Variants in CCDC190 observed in about 807,000 individuals in gnomAD.
CCDC190 encodes coiled-coil domain-containing protein 190.
A neutral mutation model predicts 13.1 loss-of-function variants in CCDC190; 10 were observed. That is an observed-to-expected ratio of 0.77 (90% CI 0.47 to 1.30). The LOEUF (loss-of-function observed/expected upper bound fraction) is 1.30, where lower values mean the gene tolerates loss of function less well. CCDC190 is among the 50% of genes most tolerant of loss of function. CCDC190 has a pLI of 0.00. For synonymous variants in CCDC190, 136 were observed against 127.2 expected (o/e 1.07, Z -0.47); for missense variants, 375 against 354.3 (o/e 1.06, Z -0.47).
rs1650121236 is a variant in CCDC190 at position 162,851,931 on chromosome 1, G to A, written c.*2834C>T. 6.6e-6 allele frequency: 1 copy of A among 152,196 alleles called. No individual in the cohort carries two copies. The highest frequency in any genetic ancestry group is 2.4e-5 in the African/African-American group (1 of 41,450). The allele number at this position is 152,196 out of a possible 1,614,324, so 9.4% of individuals were successfully genotyped here. On this transcript the variant is annotated 3_prime_UTR_variant, in exon 4 of 4. Transcript: ENST00000367912. Reference sequence around the variant, plus strand: ...CCCTTCCCCATCTTCTTTGAGAGGAGAGTATGGGAAAAGAGTACCCTGGTC... The same window carrying A: ...CCCTTCCCCATCTTCTTTGAGAGGAAAGTATGGGAAAAGAGTACCCTGGTC...
In CCDC190 at chr1:162,859,558, T is replaced by C. The variant is rs752584717; in HGVS notation, c.89A>G (p.Gln30Arg). The stretch of plus-strand genomic sequence containing the variant: ...AATAACCTTTAGTCTCTGCAGTCTT[T>C]GGTCCAGTCTGGCTTCAGCCTGCTT... ...NAKQAEARLD[Q>R]RLQRLKVICL... Residue 30 changes from glutamine to arginine, a missense_variant, in exon 2 of 4, where the codon CAA (glutamine) becomes CGA (arginine). Gln to Arg is a conservative substitution (Grantham distance 43). Coordinates refer to ENST00000367912, the MANE Select transcript of CCDC190 (RefSeq NM_001394065.1). 5 of 1,613,968 alleles carry C rather than the reference T, an allele frequency of 3.1e-6. No homozygotes were observed. In the Admixed American group the frequency reaches 8.3e-5, roughly 27 times the overall value.
Position 162,854,574 on chromosome 1 carries a change from T to A in CCDC190, c.*191A>T. On this transcript the variant is annotated 3_prime_UTR_variant, in exon 4 of 4. Transcript: ENST00000367912. ...ATATTTTCAGAAGATTCATTCTTCC[T>A]CTCCTTTTTCATATATTAGCATTGT... 7.3e-7 allele frequency: 1 copy of A among 1,366,180 alleles called. No individual in the cohort carries two copies. The allele number at this position is 1,366,180 out of a possible 1,614,324, so 84.6% of individuals were successfully genotyped here. A position where few individuals can be genotyped will look rare whatever the true frequency, so the allele number is the denominator to read the frequency against.
At chr1:162,857,213 T>G (rs923035968) in intron 2 of CCDC190, among the ~76,000 whole-genome samples, 1 of 152,250 alleles carries the variant, frequency 6.6e-6, no homozygotes, top group Non-Finnish European at 1.5e-5. Flanking sequence ...TTTCTTCACC[T>G]GACCAATGCC....
At chr1:162,861,875 T>C (rs374131024), upstream of CCDC190, among the ~76,000 whole-genome samples, 14 of 151,808 alleles carry the variant, frequency 9.2e-5, no homozygotes, top group African/African-American at 3.4e-4. Context: ...GGCCTGATAA[T>C]CCCCCCAGAG....
upstream of CCDC190, among the ~76,000 whole-genome samples, chr1:162,861,646 T>G (rs1000575137): frequency 2.0e-5 from 3 of 152,184 alleles, no homozygotes; most frequent in African/African-American, 7.2e-5. Flanking sequence ...AGCACTTCGG[T>G]GCTTATCAAG....
Position 162,859,729 on chromosome 1 carries a change from A to C in CCDC190, c.-12-71T>G, listed in dbSNP as rs114337232. ...GGGATACTGACCCCGGCTTTTAATC[A>C]GAGATCAGTGGTAGAACCTGTGTAT... On this transcript the variant is annotated intron_variant, in intron 1 of 3. Coordinates refer to ENST00000367912, the MANE Select transcript of CCDC190 (RefSeq NM_001394065.1). 8.5e-4 allele frequency: 1,086 copies of C among 1,275,698 alleles called. 12 individuals carry two copies. In the African/African-American group the frequency reaches 0.015, roughly 17 times the overall value. 79.0% of individuals were successfully genotyped at this position (1,275,698 alleles called of 1,614,324 possible).
In CCDC190 at chr1:162,855,234, G is replaced by A; in HGVS notation, c.437C>T (p.Thr146Ile). The A allele has an allele frequency of 6.2e-7, 1 of 1,613,998 alleles. No homozygotes were observed. The highest frequency in any genetic ancestry group is 8.5e-7 in the Non-Finnish European group (1 of 1,179,878). The change falls in exon 4 of 4, where the codon ACT (threonine) becomes ATT (isoleucine). Residue 146 changes from threonine to isoleucine, a missense_variant. By Grantham distance (89) the Thr-to-Ile change is moderately conservative. Coordinates refer to ENST00000367912, the MANE Select transcript of CCDC190 (RefSeq NM_001394065.1). ...KKQPLSQNNR[T>I]ACFIKEQPQA... ...TGGTTGCTCTTTTATGAAGCAGGCA[G>A]TTCTGTTATTTTGAGAGAGTGGCTG...
At chr1:162,861,792 T>G (rs1445842779), upstream of CCDC190, among the ~76,000 whole-genome samples, 3 of 152,198 alleles carry the variant, frequency 2.0e-5, no homozygotes, top group South Asian at 4.1e-4. Flanking sequence ...GGATTTTTAC[T>G]GTTGCCTTGG....
At chr1:162,864,474 A>G (rs1296313154), upstream of CCDC190, among the ~76,000 whole-genome samples, 2 of 152,198 alleles carry the variant, frequency 1.3e-5, no homozygotes, top group African/African-American at 4.8e-5. Context: ...GAGGAAGTAT[A>G]AAGACTATTT....
intron 1 of CCDC190, among the ~76,000 whole-genome samples, chr1:162,866,590 G>A (rs1650714256): frequency 6.6e-6 from 1 of 151,848 alleles, no homozygotes. Flanking sequence ...AAATAAAGGT[G>A]ACTCTAAAAT....
In CCDC190 at chr1:162,853,230, T is replaced by C. The variant is rs1650173897; in HGVS notation, c.*1535A>G. 23 of 1,248,244 alleles carry C rather than the reference T, an allele frequency of 1.8e-5. No homozygotes were observed. In the South Asian group the frequency reaches 3.4e-4, roughly 19 times the overall value. 77.3% of individuals were successfully genotyped at this position (1,248,244 alleles called of 1,614,324 possible). A position where few individuals can be genotyped will look rare whatever the true frequency, so the allele number is the denominator to read the frequency against. On this transcript the variant is annotated 3_prime_UTR_variant, in exon 4 of 4. Transcript: ENST00000367912. ...TCAGATAGGTGGTAGTGTGGTGTAA[T>C]GAAAGAGCATGAGCAAGGAAATTGA...
upstream of CCDC190, among the ~76,000 whole-genome samples, chr1:162,865,815 A>G (rs1650681870): frequency 6.6e-6 from 1 of 152,184 alleles, no homozygotes; most frequent in African/African-American, 2.4e-5. Context: ...TAATGGGAAA[A>G]TACCCCCAAA....
At chr1:162,865,990 C>T (rs868551524), upstream of CCDC190, among the ~76,000 whole-genome samples, 1 of 151,990 alleles carries the variant, frequency 6.6e-6, no homozygotes, top group South Asian at 2.1e-4. Flanking sequence ...TAGTAAGGCA[C>T]TTATATCTTG....
At position 162,853,174 on chromosome 1, in the gene CCDC190, ACT is replaced by A; in HGVS notation, c.*1589_*1590del. ...GCCAGAGGCTGGGCTGATGAAACTG[ACT>A]CTCAAATGTTTGATCTAAGTTTTTG... On this transcript the variant is annotated 3_prime_UTR_variant, in exon 4 of 4. Transcript: ENST00000367912. 6.5e-7 allele frequency: 1 copy of A among 1,537,704 alleles called. No homozygotes were observed. Among genetic ancestry groups the A allele is most frequent in the Non-Finnish European group, 8.8e-7 (1 of 1,140,278 alleles).
At chr1:162,863,542 C>T (rs1650595166), upstream of CCDC190, among the ~76,000 whole-genome samples, 2 of 151,898 alleles carry the variant, frequency 1.3e-5, no homozygotes, top group African/African-American at 2.4e-5. Context: ...GATGGTGATC[C>T]CTGAGAGAGT....
upstream of CCDC190, among the ~76,000 whole-genome samples, chr1:162,864,013 T>C (rs1360735932): frequency 2.6e-4 from 9 of 34,366 alleles, 1 homozygote; most frequent in Admixed American, 7.5e-4. Flanking sequence ...AGACTCCATC[T>C]CAAAAAAAAA....
Position 162,854,633 on chromosome 1 carries a change from T to C in CCDC190, c.*132A>G, listed in dbSNP as rs907796949. On this transcript the variant is annotated 3_prime_UTR_variant, in exon 4 of 4. Transcript: ENST00000367912. ...GAAATATTATATTCCCGGAAAATAA[T>C]AGGGAGTTTAAAATAAAATTGTAAT... The C allele has an allele frequency of 2.1e-6, 3 of 1,411,020 alleles. No individual in the cohort carries two copies. The highest frequency in any genetic ancestry group is 2.5e-5 in the East Asian group (1 of 39,818). The allele number at this position is 1,411,020 out of a possible 1,614,324, so 87.4% of individuals were successfully genotyped here.
At position 162,854,609 on chromosome 1, in the gene CCDC190, A is replaced by C. The variant is rs1398615356; in HGVS notation, c.*156T>G. 1.4e-6 allele frequency: 2 copies of C among 1,400,682 alleles called. No homozygotes were observed. The highest frequency in any genetic ancestry group is 2.9e-5 in the African/African-American group (2 of 69,314). The allele number at this position is 1,400,682 out of a possible 1,614,324, so 86.8% of individuals were successfully genotyped here. On this transcript the variant is annotated 3_prime_UTR_variant, in exon 4 of 4. Transcript: ENST00000367912. ...CATATATTAGCATTGTTCATTCAAG[A>C]AATATTATATTCCCGGAAAATAATA...
At chr1:162,863,718 C>T (rs2102265072), upstream of CCDC190, among the ~76,000 whole-genome samples, 1 of 152,184 alleles carries the variant, frequency 6.6e-6, no homozygotes, top group East Asian at 1.9e-4. Flanking sequence ...GGTACAGTAG[C>T]AGATCTAAGA....
Sources: allele counts gnomAD v4.1 joint callset (sites outside exome capture counted in the v4.1 genomes callset), GRCh38; gene constraint gnomAD v4.1.1; transcripts MANE v1.5; gene names NCBI Gene and HGNC (gene_info 2026-07-23, HGNC 2026-07-21).